PCDH17: variants seen among roughly 807,000 people sequenced by gnomAD.
PCDH17 encodes protocadherin-17.
A neutral mutation model predicts 67.7 loss-of-function variants in PCDH17; 21 were observed. The observed-to-expected ratio is 0.31, with a 90% CI of 0.22 to 0.45. The LOEUF is 0.45. Ranked by LOEUF, PCDH17 falls within the 20% of genes least tolerant of loss-of-function variation. The probability of loss-of-function intolerance (pLI) is 1.00; values close to 1 mark genes in which losing one functional copy is unlikely to be tolerated. For synonymous variants in PCDH17, 701 were observed against 656.7 expected, an observed-to-expected ratio of 1.07 and a Z score of -1.03; for missense variants, 1,471 against 1,564.8, an observed-to-expected ratio of 0.94 and a Z score of 1.01.
intron 1 of PCDH17, among the ~76,000 whole-genome samples, chr13:57,643,270 T>C (rs1954925190): frequency 6.6e-6 from 1 of 151,536 alleles, no homozygotes. Context: ...GACATTAGAA[T>C]GTTTGAGAAA....
rs1032748337 is a variant in PCDH17, at chr13:57,632,697, G to A, written c.151G>A (p.Ala51Thr). 1 of 1,611,504 alleles carries A rather than the reference G, an allele frequency of 6.2e-7. No homozygotes were observed. Among genetic ancestry groups the A allele is most frequent in the Non-Finnish European group, 8.5e-7 (1 of 1,179,918 alleles). ...DARLQPGLPP[A>T]ERGGGGRSKS... ...TCGACTGCAGCCTGGGCTTCCGCCT[G>A]CAGAGCGCGGCGGCGGAGGGCGCAG... Residue 51 changes from alanine to threonine, a missense_variant, in exon 1 of 4, where the codon GCA becomes ACA. Physicochemically the swap from Ala to Thr is moderately conservative, Grantham distance 58. This residue lies in a region of PCDH17 where 1,163 missense variants were observed against 1,230.0 expected (regional missense o/e 0.95). Transcript: ENST00000377918.
At chr13:57,658,295 G>A (rs1335345123) in intron 1 of PCDH17, among the ~76,000 whole-genome samples, 1 of 151,978 alleles carries the variant, frequency 6.6e-6, no homozygotes, top group Non-Finnish European at 1.5e-5. Flanking sequence ...ATTTTTAGAT[G>A]TTTCGTTTGA....
chr13:57,697,726 A>C (rs61961899), intron 3 of PCDH17, among the ~76,000 whole-genome samples: 9,633 of 151,726 alleles, frequency 0.063, 339 homozygotes, highest in Middle Eastern at 0.099. Context: ...AATAAAACAC[A>C]GACTATGTAT....
chr13:57,677,729 C>T (rs1055796229), intron 3 of PCDH17, among the ~76,000 whole-genome samples: 3 of 151,794 alleles, frequency 2.0e-5, no homozygotes, highest in Non-Finnish European at 4.4e-5. Flanking sequence ...TGACAGGTCA[C>T]TCCTGATTTC....
At chr13:57,649,165 C>T (rs1182636553) in intron 1 of PCDH17, among the ~76,000 whole-genome samples, 2 of 152,018 alleles carry the variant, frequency 1.3e-5, no homozygotes, top group Non-Finnish European at 2.9e-5. Flanking sequence ...ACAGCTTTCC[C>T]AAATACTTGG....
At chr13:57,667,733 G>T (rs1374895603) in intron 3 of PCDH17, among the ~76,000 whole-genome samples, 1 of 148,672 alleles carries the variant, frequency 6.7e-6, no homozygotes, top group Non-Finnish European at 1.5e-5. Context: ...ATGATTTATA[G>T]AAAGTTAATT....
intron 3 of PCDH17, among the ~76,000 whole-genome samples, chr13:57,677,665 T>A (rs1178475538): frequency 6.6e-6 from 1 of 151,876 alleles, no homozygotes; most frequent in Non-Finnish European, 1.5e-5. Context: ...CTGTCGGTTC[T>A]TTAGAGAAAT....
intron 3 of PCDH17, among the ~76,000 whole-genome samples, chr13:57,706,475 C>A (rs1407809615): frequency 2.0e-5 from 3 of 152,022 alleles, no homozygotes; most frequent in African/African-American, 7.2e-5. Flanking sequence ...GGATTAGTTT[C>A]CTAGGGCTGC....
intron 1 of PCDH17, among the ~76,000 whole-genome samples, chr13:57,655,215 A>T (rs1955088284): frequency 6.6e-6 from 1 of 151,824 alleles, no homozygotes; most frequent in Non-Finnish European, 1.5e-5. Context: ...GTGACAGTTG[A>T]AAGAATAATG....
rs79471776 is a variant in PCDH17, at chr13:57,715,211, A to G, written c.2798-9401A>G. Reference sequence around the variant, plus strand: ...TCACAGCAATAGACAGCTATTATGTACAACTTCATTTGGTCCTGGGATCAT... The same window carrying G: ...TCACAGCAATAGACAGCTATTATGTGCAACTTCATTTGGTCCTGGGATCAT... On this transcript the variant is annotated intron_variant, in intron 3 of 3. Transcript: ENST00000377918. 4.7e-4 allele frequency among the ~76,000 whole-genome samples: 71 copies of G among 151,990 alleles called. No homozygotes were observed. In the East Asian group the frequency reaches 0.013, roughly 27 times the overall value.
chr13:57,679,094 A>C (rs572910065), intron 3 of PCDH17, among the ~76,000 whole-genome samples: 2 of 151,614 alleles, frequency 1.3e-5, no homozygotes, highest in South Asian at 4.1e-4. Context: ...TGTCAGTTCA[A>C]GTCAGTTTTA....
intron 3 of PCDH17, among the ~76,000 whole-genome samples, chr13:57,672,456 T>C (rs1186788511): frequency 6.6e-6 from 1 of 151,996 alleles, no homozygotes; most frequent in East Asian, 1.9e-4. Flanking sequence ...TGAAAGTTCA[T>C]CATATTTCTA....
Position 57,676,262 on chromosome 13 carries a change from A to C in PCDH17, c.2797+9429A>C, listed in dbSNP as rs559168911. ...ACAACTTCAGTTAACCAGATCTTTG[A>C]GAAAACCTTCAGAAAACAATTAGGT... On this transcript the variant is annotated intron_variant, in intron 3 of 3. Transcript: ENST00000377918. Among the ~76,000 whole-genome samples the C allele has an allele frequency of 5.3e-5, 8 of 152,020 alleles. No individual in the cohort carries two copies. In the East Asian group the frequency reaches 1.6e-3, roughly 30 times the overall value.
At chr13:57,718,895 A>G (rs1445240230) in intron 3 of PCDH17, among the ~76,000 whole-genome samples, 1 of 152,002 alleles carries the variant, frequency 6.6e-6, no homozygotes, top group African/African-American at 2.4e-5. Flanking sequence ...CTGCTGTTAT[A>G]CCATTAAAGC....
At chr13:57,669,533 A>C (rs1221471459) in intron 3 of PCDH17, among the ~76,000 whole-genome samples, 1 of 151,756 alleles carries the variant, frequency 6.6e-6, no homozygotes, top group Non-Finnish European at 1.5e-5. Flanking sequence ...TCTGTCTTTC[A>C]ACTATCTATG....
rs191227326 is a variant in PCDH17 at position 57,664,006 on chromosome 13, G to A, written c.2566-2462G>A. ...TGTAGCCTCGACATCCTGGGCTCAA[G>A]TGATTCTCAGTCTCAGCCTCCTGAG... is the stretch of plus-strand genomic sequence containing the variant. On this transcript the variant is annotated intron_variant, in intron 1 of 3. Transcript: ENST00000377918. 7.4e-4 allele frequency among the ~76,000 whole-genome samples: 112 copies of A among 152,230 alleles called. 1 individual carries two copies. Among genetic ancestry groups the A allele is most frequent in the African/African-American group, 2.5e-3 (103 of 41,554 alleles).
At position 57,725,103 on chromosome 13, in the gene PCDH17, G is replaced by T. The variant is rs749030853; in HGVS notation, c.3289G>T (p.Ala1097Ser). The stretch of plus-strand genomic sequence containing the variant: ...TCCCTTCATGGCTTCCGATCAGATG[G>T]CAAGGGTCTTTGCAGATGTGCATTC... ...DPPFMASDQMARVFADVHSRA... is the reference protein window; with the variant it reads ...DPPFMASDQMSRVFADVHSRA... The change falls in exon 4 of 4, where the codon GCA (alanine) becomes TCA (serine). Residue 1097 changes from alanine (A) to serine (S), a missense_variant. Around this residue, in one of 3 missense-constraint regions of PCDH17, gnomAD observed 297 missense variants for 298.6 expected, o/e 0.99. Coordinates refer to ENST00000377918, the MANE Select transcript of PCDH17 (RefSeq NM_001040429.3). 4 of 1,614,028 alleles carry T rather than the reference G, an allele frequency of 2.5e-6. No individual in the cohort carries two copies. The highest frequency in any genetic ancestry group is 2.2e-5 in the South Asian group (2 of 91,082).
intron 3 of PCDH17, among the ~76,000 whole-genome samples, chr13:57,700,382 G>C (rs1388371832): frequency 6.8e-6 from 1 of 147,534 alleles, no homozygotes; most frequent in African/African-American, 2.5e-5. Flanking sequence ...GCAGTGGCGT[G>C]ATCTTGGCTC....
At chr13:57,655,575 T>C (rs1159774916) in intron 1 of PCDH17, among the ~76,000 whole-genome samples, 1 of 152,020 alleles carries the variant, frequency 6.6e-6, no homozygotes, top group Non-Finnish European at 1.5e-5. Flanking sequence ...CATAGGTGCC[T>C]AGTTTGACAA....
Sources: gnomAD v4.1 joint callset for allele counts (sites outside exome capture counted in the v4.1 genomes callset) on GRCh38, gnomAD v4.1.1 for gene constraint, gnomAD v4.1.1 regional missense constraint, MANE v1.5 for transcripts, NCBI Gene and HGNC (gene_info 2026-07-23, HGNC 2026-07-21) for gene names.